GFRA1: variants seen among roughly 807,000 people sequenced by gnomAD.
GFRA1 encodes the protein GDNF family receptor alpha-1.
A neutral mutation model predicts 51.6 loss-of-function variants in GFRA1; 16 were observed. The ratio of observed to expected loss-of-function variants is 0.31; its 90% CI spans 0.21 to 0.47. The LOEUF is 0.47. GFRA1 is among the 20% of genes least tolerant of loss of function. GFRA1 has a pLI of 1.00. For missense variants in GFRA1, 530 were observed against 594.3 expected (o/e 0.89, Z 1.13); for synonymous variants, 270 against 241.3 (o/e 1.12, Z -1.10).
intron 5 of GFRA1, among the ~76,000 whole-genome samples, chr10:116,181,167 G>A (rs1482493263): frequency 6.6e-6 from 1 of 152,222 alleles, no homozygotes; most frequent in Non-Finnish European, 1.5e-5. Flanking sequence ...TAAGGTGCTT[G>A]TGATATTACT....
intron 9 of GFRA1, among the ~76,000 whole-genome samples, chr10:116,076,573 A>G (rs1955628431): frequency 6.6e-6 from 1 of 152,176 alleles, no homozygotes; most frequent in South Asian, 2.1e-4. Context: ...AAGGTACCAC[A>G]CTGCTTATAG....
rs1954788036 is a variant in GFRA1 at position 116,061,042 on chromosome 10, G to A, written c.*3356C>T. On this transcript the variant is annotated 3_prime_UTR_variant, in exon 11 of 11. Coordinates refer to ENST00000355422, the MANE Select transcript of GFRA1 (RefSeq NM_005264.8). The stretch of plus-strand genomic sequence containing the variant: ...CTAGTATAGCAGATGGAGTGCTTGG[G>A]AGTGTCTGATTTAGAGACAAGAAGG... 6.6e-6 allele frequency: 1 copy of A among 152,074 alleles called. No homozygotes were observed. Among genetic ancestry groups the A allele is most frequent in the South Asian group, 2.1e-4 (1 of 4,826 alleles). The allele number at this position is 152,074 out of a possible 1,614,324, so 9.4% of individuals were successfully genotyped here. A position where few individuals can be genotyped will look rare whatever the true frequency, so the allele number is the denominator to read the frequency against.
At chr10:116,188,765 G>A (rs1373742693) in intron 5 of GFRA1, among the ~76,000 whole-genome samples, 1 of 151,900 alleles carries the variant, frequency 6.6e-6, no homozygotes, top group Middle Eastern at 3.2e-3. Flanking sequence ...GCCGGGCGTG[G>A]TGGTGCATGC....
intron 5 of GFRA1, among the ~76,000 whole-genome samples, chr10:116,146,853 A>C (rs1958821524): frequency 6.6e-6 from 1 of 152,200 alleles, no homozygotes; most frequent in African/African-American, 2.4e-5. Flanking sequence ...CACTTTTGCA[A>C]ATTTTACAAA....
intron 9 of GFRA1, among the ~76,000 whole-genome samples, chr10:116,073,679 A>G (rs887748956): frequency 1.3e-5 from 2 of 152,184 alleles, no homozygotes; most frequent in Non-Finnish European, 1.5e-5. Flanking sequence ...TGCAAGAGCA[A>G]CAGAAAAGAT....
chr10:116,115,582 C>T (rs1055000441), intron 6 of GFRA1, among the ~76,000 whole-genome samples: 5 of 152,134 alleles, frequency 3.3e-5, no homozygotes, highest in African/African-American at 1.2e-4. Context: ...TACAGCCAGC[C>T]TGTAACTAAG....
chr10:116,161,227 T>G (rs1352675468), intron 5 of GFRA1, among the ~76,000 whole-genome samples: 1 of 152,166 alleles, frequency 6.6e-6, no homozygotes, highest in African/African-American at 2.4e-5. Context: ...TTTCTGAAAC[T>G]CTAGACTTTC....
intron 6 of GFRA1, among the ~76,000 whole-genome samples, chr10:116,123,685 T>C (rs4751950): frequency 0.5 from 75,781 of 151,912 alleles, 20,220 homozygotes; most frequent in Admixed American, 0.63. Flanking sequence ...TTAGCATATA[T>C]TGAGGGCTTC....
chr10:116,127,146 T>G (rs1957913287), intron 5 of GFRA1, among the ~76,000 whole-genome samples: 1 of 152,070 alleles, frequency 6.6e-6, no homozygotes, highest in African/African-American at 2.4e-5. Flanking sequence ...GAATAAAGTT[T>G]GAGTCATGCA....
At chr10:116,109,142 T>A (rs1020195529) in intron 6 of GFRA1, among the ~76,000 whole-genome samples, 1 of 152,178 alleles carries the variant, frequency 6.6e-6, no homozygotes, top group Non-Finnish European at 1.5e-5. Context: ...TATTTTACAG[T>A]TGAGGACACG....
intron 5 of GFRA1, among the ~76,000 whole-genome samples, chr10:116,157,510 G>C (rs1260653355): frequency 6.6e-6 from 1 of 152,184 alleles, no homozygotes; most frequent in Non-Finnish European, 1.5e-5. Context: ...AGAAGGGATA[G>C]AGCTCTCTGT....
In GFRA1 at chr10:116,058,041, T is replaced by TGTGTGTGTGTGTGTGA. The variant is rs557175351; in HGVS notation, c.*6356_*6357insTCACACACACACACAC. Reference sequence around the variant, plus strand: ...GTGTGTGTGTGTGTGTGTGTGTGTGTGACAGAGAGAACCACGCTTTATTGG... The same window carrying TGTGTGTGTGTGTGTGA: ...GTGTGTGTGTGTGTGTGTGTGTGTGTGTGTGTGTGTGTGTGAGACAGAGAGAACCACGCTTTATTGG... On this transcript the variant is annotated 3_prime_UTR_variant, in exon 11 of 11. Transcript: ENST00000355422. 9.2e-6 allele frequency: 1 copy of TGTGTGTGTGTGTGTGA among 108,444 alleles called. No individual in the cohort carries two copies. The highest frequency in any genetic ancestry group is 3.8e-5 in the African/African-American group (1 of 26,588). 6.7% of individuals were successfully genotyped at this position (108,444 alleles called of 1,614,324 possible).
At chr10:116,078,227 T>C (rs1229256380) in intron 9 of GFRA1, among the ~76,000 whole-genome samples, 1 of 152,216 alleles carries the variant, frequency 6.6e-6, no homozygotes, top group Non-Finnish European at 1.5e-5. Context: ...ATACCCAATT[T>C]TGAGCTCTGA....
At chr10:116,162,492 T>G (rs1959924520) in intron 5 of GFRA1, among the ~76,000 whole-genome samples, 1 of 152,198 alleles carries the variant, frequency 6.6e-6, no homozygotes, top group South Asian at 2.1e-4. Context: ...GGTCCCTTCT[T>G]GCCAGGCTCC....
At chr10:116,119,121 G>C (rs7086868) in intron 6 of GFRA1, among the ~76,000 whole-genome samples, 98,358 of 152,102 alleles carry the variant, frequency 0.65, 33,240 homozygotes, top group East Asian at 0.79. Flanking sequence ...GGCCACACAT[G>C]CACATCAGGA....
chr10:116,105,027 A>C (rs1366689396), intron 6 of GFRA1, among the ~76,000 whole-genome samples: 1 of 152,222 alleles, frequency 6.6e-6, no homozygotes, highest in Non-Finnish European at 1.5e-5. Context: ...GAAATCAAAT[A>C]AAATTGTTTT....
At position 116,272,579 on chromosome 10, in the gene GFRA1, G is replaced by C. The variant is rs1178461556; in HGVS notation, c.-246-304C>G. ...ACGGTACTTTCCGAGCGTCGCGAGC[G>C]GAGCCTGCAGCTGCCTGGAGTCCGA... On this transcript the variant is annotated intron_variant, in intron 1 of 10. Coordinates refer to ENST00000355422, the MANE Select transcript of GFRA1 (RefSeq NM_005264.8). This position sits in a 1 kb window ranked among gnomAD's most constrained non-coding sequence, Gnocchi z 4.4. 6.5e-6 allele frequency: 1 copy of C among 152,920 alleles called. No individual in the cohort carries two copies. The highest frequency in any genetic ancestry group is 2.4e-5 in the African/African-American group (1 of 41,598). 9.5% of individuals were successfully genotyped at this position (152,920 alleles called of 1,614,324 possible).
At position 116,272,118 on chromosome 10, in the gene GFRA1, C is replaced by G; in HGVS notation, c.-89G>C. 2 of 1,113,398 alleles carry G rather than the reference C, an allele frequency of 1.8e-6. No individual in the cohort carries two copies. Among genetic ancestry groups the G allele is most frequent in the Non-Finnish European group, 2.7e-6 (2 of 749,526 alleles). The allele number at this position is 1,113,398 out of a possible 1,614,324, so 69.0% of individuals were successfully genotyped here. Reference sequence around the variant, plus strand: ...CGAGGGAGCTCAGCGTGCAGCGATCCCCGGACAGCTGTGCTGCTCTGGCCG... The same window carrying G: ...CGAGGGAGCTCAGCGTGCAGCGATCGCCGGACAGCTGTGCTGCTCTGGCCG... On this transcript the variant is annotated 5_prime_UTR_variant, in exon 2 of 11. Transcript: ENST00000355422. The surrounding 1 kb of genome is among the most constrained non-coding windows in gnomAD (Gnocchi z 4.4).
chr10:116,073,791 A>T (rs1478670954), intron 9 of GFRA1, among the ~76,000 whole-genome samples: 1 of 152,098 alleles, frequency 6.6e-6, no homozygotes, highest in Non-Finnish European at 1.5e-5. Context: ...TCTCCTGTGC[A>T]TTTATGTGCA....
Sources: allele counts gnomAD v4.1 joint callset (sites outside exome capture counted in the v4.1 genomes callset), GRCh38; gene constraint gnomAD v4.1.1; non-coding constraint Gnocchi (gnomAD v3.1); transcripts MANE v1.5; gene names NCBI Gene and HGNC (gene_info 2026-07-23, HGNC 2026-07-21).